The following AP1B1 variants were observed in gnomAD, a reference collection of about 807,000 sequenced individuals.
The protein encoded by AP1B1 is AP-1 complex subunit beta-1.
In AP1B1, 36 loss-of-function variants were observed where a neutral mutation model predicts 104.3. That is an observed-to-expected ratio of 0.35 (90% confidence interval 0.26 to 0.46). The LOEUF (loss-of-function observed/expected upper bound fraction) is 0.46. AP1B1 is among the 20% of genes least tolerant of loss of function. The probability of loss-of-function intolerance (pLI) is 1.00; values close to 1 mark genes in which losing one functional copy is unlikely to be tolerated. For synonymous variants in AP1B1, 504 were observed against 517.5 expected, an observed-to-expected ratio of 0.97 and a Z score of 0.35; for missense variants, 901 against 1,247.9, an observed-to-expected ratio of 0.72 and a Z score of 4.19.
In AP1B1 at chr22:29,330,576, G is replaced by A. The variant is rs908539007; in HGVS notation, c.2612-44C>T. 4 of 1,612,852 alleles carry A rather than the reference G, an allele frequency of 2.5e-6. 1 individual carries two copies. The South Asian group carries it at 3.3e-5, about 13-fold the overall frequency. ...GTGAGAGGCCCCAGTCAGCGCGGGG[G>A]CCTGGGTACAGGCGAGGGGCTGGGG... On this transcript the variant is annotated intron_variant, in intron 20 of 22. Coordinates refer to ENST00000357586, the MANE Select transcript of AP1B1 (RefSeq NM_001127.4).
chr22:29,364,710 G>T (rs551321624), intron 2 of AP1B1, among the ~76,000 whole-genome samples: 4 of 149,922 alleles, frequency 2.7e-5, no homozygotes, highest in Non-Finnish European at 5.9e-5. Flanking sequence ...CACCACGCCC[G>T]GCCATTTTTT....
chr22:29,328,621 G>T lies in AP1B1; in HGVS notation c.*200C>A. On this transcript the variant is annotated 3_prime_UTR_variant, in exon 23 of 23. Coordinates refer to ENST00000357586, the MANE Select transcript of AP1B1 (RefSeq NM_001127.4). This position sits in a 1 kb window ranked among gnomAD's most constrained non-coding sequence, Gnocchi z 4.1. ...CAGGAGCAGGGGTGTCCCAGAGCAC[G>T]GGAGTGCACTGCGCTCTCACCCCAG... 1 of 604,786 alleles carries T rather than the reference G, an allele frequency of 1.7e-6. No homozygotes were observed. 37.5% of individuals were successfully genotyped at this position (604,786 alleles called of 1,614,324 possible). A position where few individuals can be genotyped will look rare whatever the true frequency, so the allele number is the denominator to read the frequency against.
intron 22 of AP1B1, chr22:29,329,110 C>T: frequency 7.3e-7 from 1 of 1,368,550 alleles, no homozygotes; most frequent in South Asian, 1.5e-5. Flanking sequence ...GCCCACACAC[C>T]TGCTGTCAGC....
At chr22:29,338,084 C>T (rs2061663652) in intron 16 of AP1B1, among the ~76,000 whole-genome samples, 1 of 152,160 alleles carries the variant, frequency 6.6e-6, no homozygotes, top group Non-Finnish European at 1.5e-5. Context: ...TAGTGGGCAT[C>T]TGTGGGCATC....
At chr22:29,331,633 C>A in intron 18 of AP1B1, 100 bp from the exon 19 acceptor site, 1 of 1,574,428 alleles carries the variant, frequency 6.4e-7, no homozygotes, top group South Asian at 1.1e-5. Flanking sequence ...AGGGCCTTCC[C>A]TGGTAAACAC....
At chr22:29,383,534 C>A (rs1023438039) in intron 1 of AP1B1, among the ~76,000 whole-genome samples, 1 of 151,920 alleles carries the variant, frequency 6.6e-6, no homozygotes, top group African/African-American at 2.4e-5. Context: ...CACGGTGAAA[C>A]CCCGTCTTTA....
chr22:29,349,697 G>T (rs1004451003), intron 10 of AP1B1, among the ~76,000 whole-genome samples: 3 of 151,942 alleles, frequency 2.0e-5, no homozygotes, highest in East Asian at 3.9e-4. Flanking sequence ...TGTATTTTTA[G>T]TAGAAACATG....
At chr22:29,374,596 T>A (rs776156901) in intron 1 of AP1B1, among the ~76,000 whole-genome samples, 2 of 152,212 alleles carry the variant, frequency 1.3e-5, no homozygotes, top group Non-Finnish European at 2.9e-5. Context: ...GCTGCTGAAC[T>A]GATAAAGAGC....
At position 29,342,331 on chromosome 22, in the gene AP1B1, G is replaced by A; in HGVS notation, c.1490C>T (p.Thr497Ile). The A allele has an allele frequency of 1.2e-6, 2 of 1,614,134 alleles. No homozygotes were observed. Among genetic ancestry groups the A allele is most frequent in the Non-Finnish European group, 1.7e-6 (2 of 1,180,018 alleles). ...AIVKLFLKKP[T>I]ETQELVQQVL... ...CTGCTGCACCAGCTCCTGGGTCTCT[G>A]TTGGCTTCTTTAGAAAGAGTTTCAC... The change falls in exon 12 of 23, where the codon ACA (threonine) becomes ATA (isoleucine). Residue 497 changes from threonine (T) to isoleucine (I), a missense_variant. Coordinates refer to ENST00000357586, the MANE Select transcript of AP1B1 (RefSeq NM_001127.4).
At chr22:29,354,620 G>C in intron 7 of AP1B1, 30 bp downstream of exon 7, 1 of 1,600,922 alleles carries the variant, frequency 6.2e-7, no homozygotes, top group Non-Finnish European at 8.6e-7. Context: ...CGAGGGGTAC[G>C]CATGGACGTG....
chr22:29,332,735 C>T (rs887858553), intron 17 of AP1B1, among the ~76,000 whole-genome samples: 2 of 152,182 alleles, frequency 1.3e-5, no homozygotes, highest in Non-Finnish European at 2.9e-5. Flanking sequence ...GGCTGTCTGA[C>T]CCCAGCCTGT....
chr22:29,342,363 T>A lies in AP1B1; in HGVS notation c.1458A>T (p.Thr486=). ...TCTTTAGAAAGAGTTTCACAATGGC[T>A]GTCAGCAGCTGCAGCTGGACCTGCA... ...ESTQVQLQLL[T]AIVKLFLKKP... Residue 486 remains threonine (T), a synonymous_variant, in exon 12 of 23, where the codon ACA becomes ACT. Transcript: ENST00000357586. The A allele has an allele frequency of 1.2e-6, 2 of 1,614,098 alleles. No homozygotes were observed. The highest frequency in any genetic ancestry group is 8.5e-7 in the Non-Finnish European group (1 of 1,180,000).
At chr22:29,333,859 T>A (rs1229526481) in intron 17 of AP1B1, among the ~76,000 whole-genome samples, 2 of 151,382 alleles carry the variant, frequency 1.3e-5, no homozygotes. Flanking sequence ...AGCTCAGGAG[T>A]TCGAGACCAG....
chr22:29,358,546 C>A (rs1446610860), intron 5 of AP1B1, among the ~76,000 whole-genome samples, 180 bp downstream of exon 5: 1 of 152,204 alleles, frequency 6.6e-6, no homozygotes, highest in Non-Finnish European at 1.5e-5. Context: ...AGAAGGGAAT[C>A]TAGGTCTAGC....
Position 29,358,954 on chromosome 22 carries a change from G to A in AP1B1, c.297C>T (p.Asn99=). ...NTFVKDCEDP[N]PLIRALAVRT... ...GCACTGCCAGGGCTCGGATGAGGGGGTTGGGGTCCTCACAGTCCTGGGGGG... is the reference window on the plus strand; with the variant it reads ...GCACTGCCAGGGCTCGGATGAGGGGATTGGGGTCCTCACAGTCCTGGGGGG... Residue 99 remains asparagine, a synonymous_variant, in exon 5 of 23, where the codon AAC becomes AAT. Transcript: ENST00000357586. 2.5e-6 allele frequency: 4 copies of A among 1,610,740 alleles called. No homozygotes were observed. The highest frequency in any genetic ancestry group is 3.4e-6 in the Non-Finnish European group (4 of 1,178,952).
chr22:29,371,909 C>A (rs971602711), intron 1 of AP1B1, among the ~76,000 whole-genome samples: 1 of 152,142 alleles, frequency 6.6e-6, no homozygotes, highest in African/African-American at 2.4e-5. Context: ...GGGATCCCCC[C>A]CTCAATTTCA....
intron 3 of AP1B1, among the ~76,000 whole-genome samples, chr22:29,362,298 T>C (rs1489007547): frequency 1.3e-5 from 2 of 152,070 alleles, no homozygotes; most frequent in South Asian, 4.1e-4. Context: ...TAATATCATC[T>C]GGCCACTTAA....
Position 29,380,587 on chromosome 22 carries a change from C to T in AP1B1, c.-28+7837G>A, listed in dbSNP as rs117091351. ...CTGCCAGCACCATCTTTAAGAGGGC[C>T]TCAGGCTAAAAACCTGAGTCACTCT... On this transcript the variant is annotated intron_variant, in intron 1 of 22. Transcript: ENST00000357586. Among the ~76,000 whole-genome samples the T allele has an allele frequency of 2.2e-4, 33 of 152,262 alleles. No homozygotes were observed. In the East Asian group the frequency reaches 6.2e-3, roughly 28 times the overall value.
chr22:29,366,123 G>A (rs2062131742), intron 2 of AP1B1, among the ~76,000 whole-genome samples: 1 of 152,160 alleles, frequency 6.6e-6, no homozygotes. Flanking sequence ...GGAATAAAGG[G>A]CTGGCCAGAA....
Sources: gnomAD v4.1 joint callset for allele counts (sites outside exome capture counted in the v4.1 genomes callset) on GRCh38, gnomAD v4.1.1 for gene constraint, Gnocchi (gnomAD v3.1) non-coding constraint, MANE v1.5 for transcripts, NCBI Gene and HGNC (gene_info 2026-07-23, HGNC 2026-07-21) for gene names.